CAMK4: variants seen among roughly 807,000 people sequenced by gnomAD.
CAMK4 encodes calcium/calmodulin-dependent protein kinase type IV.
Under a neutral mutation model 44.9 loss-of-function variants are expected in CAMK4, and 22 were observed. That is an observed-to-expected ratio of 0.49 (90% CI 0.35 to 0.70). The LOEUF (loss-of-function observed/expected upper bound fraction) is 0.70. CAMK4 is among the 30% of genes least tolerant of loss of function. CAMK4 has a pLI of 0.01. For synonymous variants in CAMK4, 218 were observed against 215.4 expected (o/e 1.01, Z -0.11); for missense variants, 498 against 586.8 (o/e 0.85, Z 1.56).
intron 5 of CAMK4, among the ~76,000 whole-genome samples, chr5:111,414,913 T>C (rs1001183834): frequency 6.6e-6 from 1 of 152,220 alleles, no homozygotes; most frequent in Non-Finnish European, 1.5e-5. Context: ...TTTAGAGATA[T>C]TATTTCCTCC....
Position 111,224,403 on chromosome 5 carries a change from G to C in CAMK4, c.-81G>C, listed in dbSNP as rs530474251. On this transcript the variant is annotated 5_prime_UTR_variant, in exon 1 of 11. Coordinates refer to ENST00000282356, the MANE Select transcript of CAMK4 (RefSeq NM_001744.6). This position sits in a 1 kb window ranked among gnomAD's most constrained non-coding sequence, Gnocchi z 5.7. ...CCGCCTCTCTCTCGCTCCTGCGTTC[G>C]CAGGCGGCGGCTGGCGGCCGGCTTC... 1.9e-3 allele frequency: 2,797 copies of C among 1,471,754 alleles called. 7 individuals are homozygous for C. Among genetic ancestry groups the C allele is most frequent in the Admixed American group, 4.1e-3 (167 of 40,910 alleles). 91.2% of individuals were successfully genotyped at this position (1,471,754 alleles called of 1,614,324 possible).
At chr5:111,264,626 G>A (rs946046107) in intron 1 of CAMK4, among the ~76,000 whole-genome samples, 1 of 152,072 alleles carries the variant, frequency 6.6e-6, no homozygotes, top group Non-Finnish European at 1.5e-5. Context: ...ATTCACTGCC[G>A]ATATCCGTTT....
intron 2 of CAMK4, among the ~76,000 whole-genome samples, chr5:111,372,797 A>C (rs1751060210): frequency 6.6e-6 from 1 of 152,136 alleles, no homozygotes; most frequent in African/African-American, 2.4e-5. Context: ...TTAGCACTGG[A>C]TGTATCAAGA....
At chr5:111,414,886 C>A (rs1277905529) in intron 5 of CAMK4, among the ~76,000 whole-genome samples, 2 of 152,016 alleles carry the variant, frequency 1.3e-5, no homozygotes, top group African/African-American at 4.8e-5. Context: ...TGTACCATAT[C>A]CCCTAGGTTC....
At chr5:111,251,335 T>C (rs1749482343) in intron 1 of CAMK4, among the ~76,000 whole-genome samples, 1 of 152,222 alleles carries the variant, frequency 6.6e-6, no homozygotes, top group Admixed American at 6.5e-5. Context: ...AGAGATTTCT[T>C]TTTGAATTCT....
chr5:111,265,188 CT>C (rs1439240179), intron 1 of CAMK4, among the ~76,000 whole-genome samples: 1 of 152,160 alleles, frequency 6.6e-6, no homozygotes, highest in African/African-American at 2.4e-5. Flanking sequence ...AAAACACCCC[CT>C]GAAACACTGA....
At chr5:111,241,422 C>A (rs1281169622) in intron 1 of CAMK4, among the ~76,000 whole-genome samples, 2 of 152,032 alleles carry the variant, frequency 1.3e-5, no homozygotes, top group African/African-American at 4.8e-5. Context: ...AAATGAAGTG[C>A]CCTCCTTGTG....
chr5:111,231,940 G>T (rs1253192758), intron 1 of CAMK4, among the ~76,000 whole-genome samples: 1 of 152,210 alleles, frequency 6.6e-6, no homozygotes, highest in African/African-American at 2.4e-5. Flanking sequence ...AAGATTAGCA[G>T]AGTTAAAACC....
chr5:111,367,601 G>A (rs1750841981), intron 2 of CAMK4, among the ~76,000 whole-genome samples: 1 of 152,092 alleles, frequency 6.6e-6, no homozygotes, highest in Non-Finnish European at 1.5e-5. Flanking sequence ...GTTAGGCCAA[G>A]CAAGCATATG....
chr5:111,458,487 TGCACTAG>T (rs2112996311), intron 7 of CAMK4, among the ~76,000 whole-genome samples: 1 of 152,334 alleles, frequency 6.6e-6, no homozygotes. Context: ...TGTGCTTCTA[TGCACTAG>T]GCACTGTTGT....
chr5:111,240,101 T>G (rs1252388584), intron 1 of CAMK4, among the ~76,000 whole-genome samples: 5 of 152,094 alleles, frequency 3.3e-5, no homozygotes, highest in South Asian at 2.1e-4. Flanking sequence ...TAATTTTTAG[T>G]TTTTTTTCTT....
intron 1 of CAMK4, among the ~76,000 whole-genome samples, chr5:111,252,656 A>G (rs1561363771): frequency 6.6e-6 from 1 of 152,230 alleles, no homozygotes; most frequent in Admixed American, 6.5e-5. Flanking sequence ...TAATAATACT[A>G]CAAAACAAGT....
chr5:111,420,135 G>A (rs1752970536), intron 5 of CAMK4, among the ~76,000 whole-genome samples: 2 of 149,658 alleles, frequency 1.3e-5, no homozygotes, highest in Non-Finnish European at 1.5e-5. Flanking sequence ...GTGGTTTGTA[G>A]TTCTCCTTGA....
chr5:111,395,728 A>G (rs912712734), intron 5 of CAMK4, among the ~76,000 whole-genome samples: 6 of 152,190 alleles, frequency 3.9e-5, no homozygotes, highest in African/African-American at 1.4e-4. Context: ...ATTTGCCTGT[A>G]TAAATCAGAC....
At chr5:111,367,306 C>G (rs1420555580) in intron 2 of CAMK4, among the ~76,000 whole-genome samples, 1 of 151,764 alleles carries the variant, frequency 6.6e-6, no homozygotes, top group Admixed American at 6.6e-5. Context: ...CCCATCATAA[C>G]TATCTCACTC....
At chr5:111,283,662 A>G (rs1389094370) in intron 1 of CAMK4, among the ~76,000 whole-genome samples, 2 of 152,218 alleles carry the variant, frequency 1.3e-5, no homozygotes, top group South Asian at 2.1e-4. Context: ...GTTGCATGCA[A>G]TCTTACAGGG....
chr5:111,464,662 G>T (rs1180727249), intron 7 of CAMK4, among the ~76,000 whole-genome samples: 2 of 152,212 alleles, frequency 1.3e-5, no homozygotes, highest in Admixed American at 1.3e-4. Flanking sequence ...TTAAAAGACT[G>T]TATCTAAACT....
rs546501181 is a variant in CAMK4, at chr5:111,476,213, G to A, written c.702-2168G>A. 9.0e-4 allele frequency among the ~76,000 whole-genome samples: 136 copies of A among 151,104 alleles called. 1 individual carries two copies. The highest frequency in any genetic ancestry group is 8.3e-3 in the Admixed American group (126 of 15,156). ...TGTCCCTCTTCTTGTGGCTACTGCT[G>A]CATTTTAACTTCACTCTTTGCTTCT... is the stretch of plus-strand genomic sequence containing the variant. On this transcript the variant is annotated intron_variant, in intron 8 of 10. Coordinates refer to ENST00000282356, the MANE Select transcript of CAMK4 (RefSeq NM_001744.6).
At chr5:111,242,230 T>C (rs1461789267) in intron 1 of CAMK4, among the ~76,000 whole-genome samples, 1 of 152,162 alleles carries the variant, frequency 6.6e-6, no homozygotes, top group Non-Finnish European at 1.5e-5. Context: ...TAATAAGACA[T>C]ATTCTCCCAC....
Sources: allele counts gnomAD v4.1 joint callset (sites outside exome capture counted in the v4.1 genomes callset), GRCh38; gene constraint gnomAD v4.1.1; non-coding constraint Gnocchi (gnomAD v3.1); transcripts MANE v1.5; gene names NCBI Gene and HGNC (gene_info 2026-07-23, HGNC 2026-07-21).